The following ZCCHC17 variants were observed in gnomAD, a reference collection of about 807,000 sequenced individuals.
ZCCHC17 encodes zinc finger CCHC-type containing 17, also known as zinc finger CCHC domain-containing protein 17.
Under a neutral mutation model 30.6 loss-of-function variants are expected in ZCCHC17, and 18 were observed. That is an observed-to-expected ratio of 0.59 (90% CI 0.41 to 0.87). The LOEUF is 0.87. Among genes scored for constraint, ZCCHC17 ranks in the 40% least tolerant of loss-of-function variants. The probability of loss-of-function intolerance (pLI) is 0.00; values close to 1 mark genes in which losing one functional copy is unlikely to be tolerated. For synonymous variants in ZCCHC17, 88 were observed against 92.4 expected (o/e 0.95, Z 0.27); for missense variants, 263 against 284.2 (o/e 0.93, Z 0.54).
At chr1:31,347,386 C>T (rs966782607) in intron 6 of ZCCHC17, among the ~76,000 whole-genome samples, 7 of 152,152 alleles carry the variant, frequency 4.6e-5, no homozygotes, top group Admixed American at 6.5e-5. Flanking sequence ...GTCTACCCTA[C>T]TGTGTGATTT....
intron 2 of ZCCHC17, among the ~76,000 whole-genome samples, chr1:31,317,456 G>A (rs1646764043): frequency 2.0e-5 from 3 of 152,164 alleles, no homozygotes; most frequent in Admixed American, 1.3e-4. Flanking sequence ...ACCTATGTCA[G>A]TCACTTTATG....
intron 7 of ZCCHC17, among the ~76,000 whole-genome samples, chr1:31,362,693 T>C (rs1432554249): frequency 1.3e-5 from 2 of 152,222 alleles, no homozygotes; most frequent in Non-Finnish European, 2.9e-5. Context: ...CAGGATCTAA[T>C]AGAAACCAGA....
At chr1:31,302,692 A>T (rs1557686952) in intron 1 of ZCCHC17, among the ~76,000 whole-genome samples, 1 of 152,136 alleles carries the variant, frequency 6.6e-6, no homozygotes, top group African/African-American at 2.4e-5. Context: ...GGGAGTCCTC[A>T]GGAAACTTAT....
At chr1:31,305,373 G>T (rs940121820) in intron 1 of ZCCHC17, among the ~76,000 whole-genome samples, 1 of 151,598 alleles carries the variant, frequency 6.6e-6, no homozygotes, top group Admixed American at 6.6e-5. Context: ...TCCATCTCTT[G>T]GGCTCAAGTG....
intron 7 of ZCCHC17, among the ~76,000 whole-genome samples, chr1:31,360,766 A>G (rs1639855198): frequency 6.6e-6 from 1 of 152,166 alleles, no homozygotes; most frequent in African/African-American, 2.4e-5. Context: ...GTTATAAAGT[A>G]TAGTGGTTTT....
chr1:31,303,486 A>G (rs1246521801), intron 1 of ZCCHC17, among the ~76,000 whole-genome samples: 6 of 152,186 alleles, frequency 3.9e-5, no homozygotes, highest in Non-Finnish European at 7.3e-5. Context: ...GGAAAATGAT[A>G]ACAACAAAAA....
intron 3 of ZCCHC17, 36 bp from the exon 4 acceptor site, chr1:31,337,139 C>T (rs1279386472): frequency 6.3e-7 from 1 of 1,576,822 alleles, no homozygotes. Flanking sequence ...CCAGATATGC[C>T]CTCTGCTTTA....
At chr1:31,361,270 T>C (rs12085630) in intron 7 of ZCCHC17, among the ~76,000 whole-genome samples, 1 of 152,218 alleles carries the variant, frequency 6.6e-6, no homozygotes, top group Non-Finnish European at 1.5e-5. Flanking sequence ...TTTCATCTTC[T>C]CTTAAAACTT....
At chr1:31,352,247 T>C (rs1224780011) in intron 7 of ZCCHC17, among the ~76,000 whole-genome samples, 1 of 152,218 alleles carries the variant, frequency 6.6e-6, no homozygotes, top group Non-Finnish European at 1.5e-5. Context: ...ATTCATATTG[T>C]TGTACAACCA....
intron 7 of ZCCHC17, among the ~76,000 whole-genome samples, chr1:31,350,271 C>T (rs563617043): frequency 9.2e-5 from 14 of 152,156 alleles, no homozygotes; most frequent in Non-Finnish European, 1.8e-4. Context: ...TTGTACCAGG[C>T]ATTGTAACTC....
intron 1 of ZCCHC17, among the ~76,000 whole-genome samples, chr1:31,303,749 G>A (rs1380722759): frequency 6.6e-6 from 1 of 152,082 alleles, no homozygotes; most frequent in Non-Finnish European, 1.5e-5. Context: ...TACCCCAACA[G>A]CCCTGAAAAC....
chr1:31,309,675 G>C (rs1402203809), intron 1 of ZCCHC17, among the ~76,000 whole-genome samples: 2 of 152,174 alleles, frequency 1.3e-5, no homozygotes, highest in African/African-American at 4.8e-5. Flanking sequence ...GACATAGTAA[G>C]TGCTGCATTA....
chr1:31,304,473 G>A (rs1343232996), intron 1 of ZCCHC17, among the ~76,000 whole-genome samples: 1 of 151,350 alleles, frequency 6.6e-6, no homozygotes, highest in Admixed American at 6.6e-5. Context: ...TAGTAGAGAT[G>A]GGGTTTCATC....
In ZCCHC17 at chr1:31,364,268, C is replaced by G; in HGVS notation, c.*75C>G. 6.6e-7 allele frequency: 1 copy of G among 1,517,478 alleles called. No homozygotes were observed. Among genetic ancestry groups the G allele is most frequent in the Non-Finnish European group, 8.8e-7 (1 of 1,135,996 alleles). The allele number at this position is 1,517,478 out of a possible 1,614,324, so 94.0% of individuals were successfully genotyped here. The stretch of plus-strand genomic sequence containing the variant: ...GTGCCTTGAGACTCCTGGAAAGACT[C>G]AATAGTGAGAATATAGCCTCCCACC... On this transcript the variant is annotated 3_prime_UTR_variant, in exon 8 of 8. Coordinates refer to ENST00000344147, the MANE Select transcript of ZCCHC17 (RefSeq NM_016505.4).
At chr1:31,337,098 T>G (rs1443361097) in intron 3 of ZCCHC17, 77 bp from the exon 4 acceptor site, 49 of 1,370,014 alleles carry the variant, frequency 3.6e-5, no homozygotes, top group Non-Finnish European at 4.8e-5. Flanking sequence ...TCCCCAACTC[T>G]TACCTTCTTA....
At chr1:31,307,567 C>G (rs980897626) in intron 1 of ZCCHC17, among the ~76,000 whole-genome samples, 4 of 151,224 alleles carry the variant, frequency 2.6e-5, no homozygotes, top group African/African-American at 4.9e-5. Context: ...TCACGCCTGG[C>G]TGATTTTTGT....
chr1:31,339,083 T>C lies in ZCCHC17; in HGVS notation c.317+35T>C, dbSNP rs745672970. 23 of 1,500,962 alleles carry C rather than the reference T, an allele frequency of 1.5e-5. No homozygotes were observed. In the South Asian group the frequency reaches 2.8e-4, roughly 18 times the overall value. 93.0% of individuals were successfully genotyped at this position (1,500,962 alleles called of 1,614,324 possible). ...AGGTTTGGAAAGGTGAAAATTCTTC[T>C]GCCTCCCAAATCATAAAATGGTTTA... On this transcript the variant is annotated intron_variant, in intron 5 of 7. Transcript: ENST00000344147.
At chr1:31,355,930 G>A (rs1282866392) in intron 7 of ZCCHC17, among the ~76,000 whole-genome samples, 3 of 152,124 alleles carry the variant, frequency 2.0e-5, no homozygotes, top group African/African-American at 4.8e-5. Context: ...TTTGGTGTGT[G>A]AGTGGCAGAT....
At chr1:31,305,974 C>T (rs1409165026) in intron 1 of ZCCHC17, among the ~76,000 whole-genome samples, 1 of 152,108 alleles carries the variant, frequency 6.6e-6, no homozygotes, top group African/African-American at 2.4e-5. Flanking sequence ...CACTGCTGAA[C>T]CCAGTTGCTA....
Sources: gnomAD v4.1 joint callset for allele counts (sites outside exome capture counted in the v4.1 genomes callset) on GRCh38, gnomAD v4.1.1 for gene constraint, MANE v1.5 for transcripts, NCBI Gene and HGNC (gene_info 2026-07-23, HGNC 2026-07-21) for gene names.